Variants in NKAIN2 observed in about 807,000 individuals in gnomAD.
NKAIN2 encodes the protein sodium/potassium-transporting ATPase subunit beta-1-interacting protein 2.
NKAIN2 carries 14 observed loss-of-function variants against 32.6 expected under a neutral mutation model. That is an observed-to-expected ratio of 0.43 (90% CI 0.28 to 0.67). The LOEUF (loss-of-function observed/expected upper bound fraction) is 0.67. NKAIN2 is among the 30% of genes least tolerant of loss of function. NKAIN2 has a pLI of 0.17. For synonymous variants in NKAIN2, 80 were observed against 87.2 expected, an observed-to-expected ratio of 0.92 and a Z score of 0.46; for missense variants, 198 against 258.3, an observed-to-expected ratio of 0.77 and a Z score of 1.60.
At chr6:124,811,698 G>T (rs915725658) in intron 5 of NKAIN2, among the ~76,000 whole-genome samples, 1 of 152,108 alleles carries the variant, frequency 6.6e-6, no homozygotes, top group East Asian at 1.9e-4. Flanking sequence ...AAGGCAAAAA[G>T]AAAATGCACT....
At chr6:124,535,698 G>T (rs1322896879) in intron 3 of NKAIN2, among the ~76,000 whole-genome samples, 1 of 152,180 alleles carries the variant, frequency 6.6e-6, no homozygotes, top group Non-Finnish European at 1.5e-5. Context: ...GATAGCACCA[G>T]TGACCTGAAA....
chr6:124,742,738 T>G (rs902554650), intron 4 of NKAIN2, among the ~76,000 whole-genome samples: 4 of 151,742 alleles, frequency 2.6e-5, no homozygotes, highest in African/African-American at 9.7e-5. Context: ...ACACTGTGGA[T>G]CCCAGGTGAG....
intron 1 of NKAIN2, among the ~76,000 whole-genome samples, chr6:123,989,818 A>T (rs1779337184): frequency 6.6e-6 from 1 of 152,204 alleles, no homozygotes; most frequent in Admixed American, 6.5e-5. Context: ...GTAGGATAAA[A>T]ATCAGTGGGG....
chr6:124,685,678 T>A (rs1773836231), intron 4 of NKAIN2, among the ~76,000 whole-genome samples: 1 of 152,144 alleles, frequency 6.6e-6, no homozygotes, highest in Admixed American at 6.6e-5. Flanking sequence ...AGAAAAGGCA[T>A]GAGAGACATT....
chr6:124,513,726 G>C (rs1778803179), intron 3 of NKAIN2, among the ~76,000 whole-genome samples: 1 of 152,148 alleles, frequency 6.6e-6, no homozygotes, highest in Non-Finnish European at 1.5e-5. Flanking sequence ...AAGTCTATTT[G>C]AGAGGCATAT....
At chr6:123,989,383 G>A (rs998084791) in intron 1 of NKAIN2, among the ~76,000 whole-genome samples, 2 of 152,098 alleles carry the variant, frequency 1.3e-5, no homozygotes, top group African/African-American at 2.4e-5. Context: ...GGACTTGAGC[G>A]ACATTGTTAT....
rs1234354469 is a variant in NKAIN2, at chr6:124,730,940, G to A, written c.475-60399G>A. On this transcript the variant is annotated intron_variant, in intron 4 of 6. Coordinates refer to ENST00000368417, the MANE Select transcript of NKAIN2 (RefSeq NM_001040214.3). The stretch of plus-strand genomic sequence containing the variant: ...CTTCTCAAAAGAAGACATTTATGCA[G>A]CCAAAAAACACATGAAAAAATGCTC... Among the ~76,000 whole-genome samples, 84 of 127,718 alleles carry A rather than the reference G, an allele frequency of 6.6e-4. 1 individual carries two copies. The highest frequency in any genetic ancestry group is 4.0e-3 in the Middle Eastern group (1 of 252). The allele number at this position is 127,718 out of a possible 152,430, so 83.8% of individuals were successfully genotyped here. A position where few individuals can be genotyped will look rare whatever the true frequency, so the allele number is the denominator to read the frequency against.
At chr6:124,589,194 T>A (rs901468320) in intron 3 of NKAIN2, among the ~76,000 whole-genome samples, 1 of 152,202 alleles carries the variant, frequency 6.6e-6, no homozygotes, top group Non-Finnish European at 1.5e-5. Flanking sequence ...ATAGGCCGTT[T>A]GGCAGAGTGT....
chr6:124,430,516 G>T (rs1157293676), intron 3 of NKAIN2, among the ~76,000 whole-genome samples: 1 of 152,120 alleles, frequency 6.6e-6, no homozygotes, highest in Non-Finnish European at 1.5e-5. Flanking sequence ...TCACATGTCT[G>T]GTAACTGGGC....
At chr6:123,930,610 T>G (rs1243688539) in intron 1 of NKAIN2, among the ~76,000 whole-genome samples, 3 of 152,182 alleles carry the variant, frequency 2.0e-5, no homozygotes, top group Non-Finnish European at 4.4e-5. Context: ...TTTGTACAAG[T>G]TATATATTAG....
At chr6:124,657,337 C>T (rs556933218) in intron 3 of NKAIN2, among the ~76,000 whole-genome samples, 1 of 152,158 alleles carries the variant, frequency 6.6e-6, no homozygotes, top group Admixed American at 6.5e-5. Context: ...TAATAAAATG[C>T]TTTTGATGCA....
At chr6:124,191,000 A>G (rs899451289) in intron 1 of NKAIN2, among the ~76,000 whole-genome samples, 1 of 152,152 alleles carries the variant, frequency 6.6e-6, no homozygotes, top group African/African-American at 2.4e-5. Context: ...ACTACAATTG[A>G]TGAGCTGATA....
At chr6:124,591,250 A>G (rs1244013787) in intron 3 of NKAIN2, among the ~76,000 whole-genome samples, 1 of 152,238 alleles carries the variant, frequency 6.6e-6, no homozygotes, top group Non-Finnish European at 1.5e-5. Context: ...TTTGCCACTC[A>G]AGACTCTTCT....
At chr6:123,914,054 C>A (rs558426044) in intron 1 of NKAIN2, among the ~76,000 whole-genome samples, 17 of 152,248 alleles carry the variant, frequency 1.1e-4, no homozygotes, top group African/African-American at 3.9e-4. Context: ...ATACCACAGA[C>A]TGGCTGGCTT....
chr6:124,711,419 A>T (rs979222600), intron 4 of NKAIN2, among the ~76,000 whole-genome samples: 4 of 148,408 alleles, frequency 2.7e-5, no homozygotes, highest in Non-Finnish European at 4.4e-5. Context: ...AGTGTTTTCT[A>T]ACTTGGTTCC....
At chr6:123,972,190 A>G (rs1341818718) in intron 1 of NKAIN2, among the ~76,000 whole-genome samples, 4 of 152,224 alleles carry the variant, frequency 2.6e-5, no homozygotes, top group African/African-American at 2.4e-5. Flanking sequence ...GTGTTCATCA[A>G]TGGTTTATGT....
At chr6:124,702,179 T>A (rs1774824645) in intron 4 of NKAIN2, among the ~76,000 whole-genome samples, 1 of 152,074 alleles carries the variant, frequency 6.6e-6, no homozygotes, top group African/African-American at 2.4e-5. Context: ...AAACCAGGCA[T>A]GGGAAGCATT....
At chr6:123,864,375 C>T (rs968995702) in intron 1 of NKAIN2, among the ~76,000 whole-genome samples, 5 of 152,142 alleles carry the variant, frequency 3.3e-5, no homozygotes, top group African/African-American at 1.2e-4. Flanking sequence ...AAGATTTATT[C>T]ATTGAGTAGA....
chr6:124,250,838 G>T (rs1170938846), intron 1 of NKAIN2, among the ~76,000 whole-genome samples: 1 of 152,000 alleles, frequency 6.6e-6, no homozygotes, highest in Non-Finnish European at 1.5e-5. Flanking sequence ...TCATAACGAT[G>T]AAAAGAGTAG....
Sources: gnomAD v4.1 joint callset for allele counts (sites outside exome capture counted in the v4.1 genomes callset) on GRCh38, gnomAD v4.1.1 for gene constraint, MANE v1.5 for transcripts, NCBI Gene and HGNC (gene_info 2026-07-23, HGNC 2026-07-21) for gene names.